Variants in EXOC1 observed in about 807,000 individuals in gnomAD.
EXOC1 encodes SEC3-like 1.
A neutral mutation model predicts 107.7 loss-of-function variants in EXOC1; 67 were observed. The ratio of observed to expected loss-of-function variants is 0.62; its 90% CI spans 0.51 to 0.76. The LOEUF (loss-of-function observed/expected upper bound fraction) is 0.76. EXOC1 is among the 30% of genes least tolerant of loss of function. The probability of loss-of-function intolerance (pLI) is 0.00; values close to 1 mark genes in which losing one functional copy is unlikely to be tolerated. For synonymous variants in EXOC1, 348 were observed against 353.5 expected, an observed-to-expected ratio of 0.98 and a Z score of 0.17; for missense variants, 833 against 1,055.7, an observed-to-expected ratio of 0.79 and a Z score of 2.92.
intron 16 of EXOC1, among the ~76,000 whole-genome samples, chr4:55,897,508 G>A (rs372166734): frequency 6.6e-6 from 1 of 151,954 alleles, no homozygotes; most frequent in East Asian, 1.9e-4. Flanking sequence ...ACTGTAATTC[G>A]CTTTCTTCCT....
At chr4:55,856,274 T>C (rs1051912733) in intron 1 of EXOC1, among the ~76,000 whole-genome samples, 2 of 152,218 alleles carry the variant, frequency 1.3e-5, no homozygotes, top group African/African-American at 4.8e-5. Flanking sequence ...TCAGCTGGTC[T>C]ACAAACAGGG....
chr4:55,860,024 G>T (rs1321424033), intron 2 of EXOC1, among the ~76,000 whole-genome samples: 2 of 152,134 alleles, frequency 1.3e-5, no homozygotes, highest in Non-Finnish European at 2.9e-5. Context: ...GTTTAATTAA[G>T]ACCAGCCTGG....
chr4:55,870,764 G>A lies in EXOC1; in HGVS notation c.690G>A (p.Gln230=). The part of the protein sequence containing the change: ...LLDEALKEVD[Q]IELKLSSYEE... ...ATGAGGCTCTAAAGGAGGTAGATCA[G>A]ATTGAATTGAAACTGAGCAGTTATG... Residue 230 remains glutamine, a synonymous_variant, in exon 6 of 19, where the codon CAG becomes CAA. Coordinates refer to ENST00000381295, the MANE Select transcript of EXOC1 (RefSeq NM_001024924.2). 6.2e-7 allele frequency: 1 copy of A among 1,613,918 alleles called. No homozygotes were observed. Among genetic ancestry groups the A allele is most frequent in the Non-Finnish European group, 8.5e-7 (1 of 1,179,898 alleles).
At position 55,864,251 on chromosome 4, in the gene EXOC1, T is replaced by C. The variant is rs1414449453; in HGVS notation, c.280T>C (p.Phe94Leu). The C allele has an allele frequency of 6.3e-7, 1 of 1,584,094 alleles. No homozygotes were observed. Among genetic ancestry groups the C allele is most frequent in the Non-Finnish European group, 8.6e-7 (1 of 1,165,396 alleles). The stretch of plus-strand genomic sequence containing the variant: ...GGAAAATCCTGAATTTGATTTACAC[T>C]TTGAAAAAATATATAAATGGGTTGC... ...IKENPEFDLH[F>L]EKIYKWVASS... The change falls in exon 4 of 19, where the codon TTT becomes CTT. Residue 94 changes from phenylalanine (F) to leucine (L), a missense_variant. Physicochemically the swap from Phe to Leu is conservative, Grantham distance 22. This residue lies in a region of EXOC1 where 617 missense variants were observed against 701.3 expected (regional missense o/e 0.88). Transcript: ENST00000381295.
intron 8 of EXOC1, 128 bp downstream of exon 8, chr4:55,872,086 A>T: frequency 1.1e-6 from 1 of 870,092 alleles, no homozygotes; most frequent in South Asian, 1.9e-5. Flanking sequence ...ATTTGATTTT[A>T]AGATTTTGAA....
At chr4:55,880,504 G>A (rs1275287475) in intron 9 of EXOC1, among the ~76,000 whole-genome samples, 1 of 151,982 alleles carries the variant, frequency 6.6e-6, no homozygotes. Flanking sequence ...TTACATTACT[G>A]GAATTCTTTG....
At chr4:55,889,606 A>G (rs1423192666) in intron 11 of EXOC1, among the ~76,000 whole-genome samples, 1 of 152,002 alleles carries the variant, frequency 6.6e-6, no homozygotes, top group East Asian at 1.9e-4. Flanking sequence ...TTTTCTGTTC[A>G]TTTTATTTAG....
chr4:55,890,418 T>A, intron 12 of EXOC1, 32 bp downstream of exon 12: 1 of 1,599,810 alleles, frequency 6.3e-7, no homozygotes, highest in African/African-American at 1.3e-5. Context: ...TTCTTAAACA[T>A]TAACATTAGT....
rs368592021 is a variant in EXOC1, at chr4:55,890,174, A to G, written c.1376-49A>G. ...GATCTATCCCTGCTTTATACTTTGG[A>G]TCATTTATTTGTGAAGATCACAACT... On this transcript the variant is annotated intron_variant, in intron 11 of 18. Transcript: ENST00000381295. The G allele has an allele frequency of 2.2e-4, 342 of 1,572,232 alleles. 2 individuals carry two copies. Among genetic ancestry groups the G allele is most frequent in the Admixed American group, 2.7e-4 (16 of 59,498 alleles).
intron 8 of EXOC1, chr4:55,876,491 G>A (rs533118785): frequency 2.7e-6 from 2 of 741,306 alleles, no homozygotes; most frequent in East Asian, 1.3e-4. Context: ...TGTCAGTTCA[G>A]GTCACATTTT....
At chr4:55,894,471 GATT>G in intron 15 of EXOC1, among the ~76,000 whole-genome samples, 1 of 151,570 alleles carries the variant, frequency 6.6e-6, no homozygotes, top group African/African-American at 2.4e-5. Flanking sequence ...AAACTAATTT[GATT>G]ATTTTAATTA....
At chr4:55,871,071 A>G (rs1018429131) in intron 6 of EXOC1, 30 bp from the exon 7 acceptor site, 23 of 1,603,042 alleles carry the variant, frequency 1.4e-5, no homozygotes, top group East Asian at 2.2e-5. Context: ...AAAATTACAC[A>G]TGCAAATGGT....
intron 9 of EXOC1, chr4:55,882,688 A>G (rs1723519604): frequency 6.6e-6 from 1 of 152,208 alleles, no homozygotes; most frequent in Non-Finnish European, 1.5e-5. Flanking sequence ...CAGCTATAAA[A>G]TATTTTAAGA....
intron 4 of EXOC1, among the ~76,000 whole-genome samples, chr4:55,867,561 C>A (rs74498241): frequency 0.048 from 6,634 of 139,076 alleles, 194 homozygotes; most frequent in Admixed American, 0.088. Flanking sequence ...TAGTGTATTT[C>A]CTCAAAAAAA....
intron 18 of EXOC1, among the ~76,000 whole-genome samples, chr4:55,903,785 G>A (rs183006333): frequency 1.3e-5 from 2 of 152,190 alleles, no homozygotes; most frequent in East Asian, 3.9e-4. Flanking sequence ...CTACATATTA[G>A]CCTCCACTGT....
At chr4:55,893,854 G>A (rs556213965) in intron 15 of EXOC1, 74 bp downstream of exon 15, 10 of 1,220,572 alleles carry the variant, frequency 8.2e-6, no homozygotes, top group Admixed American at 2.3e-5. Flanking sequence ...ATTTAAAATC[G>A]AGGGATTTCC....
intron 10 of EXOC1, among the ~76,000 whole-genome samples, chr4:55,884,168 A>C (rs915157624): frequency 1.6e-4 from 25 of 152,228 alleles, no homozygotes; most frequent in Non-Finnish European, 2.9e-4. Flanking sequence ...TTCATGCTGT[A>C]ATCAAATATA....
intron 1 of EXOC1, 50 bp downstream of exon 1, chr4:55,854,003 T>A (rs1319296747): frequency 4.6e-5 from 7 of 152,272 alleles, no homozygotes. Context: ...TCCTCGGGTC[T>A]AGGAGAATGC....
In EXOC1 at chr4:55,858,235, T is replaced by A. The variant is rs1219075954; in HGVS notation, c.-10-79T>A. The A allele has an allele frequency of 9.4e-6, 13 of 1,385,692 alleles. 1 individual carries two copies. In the Admixed American group the frequency reaches 3.3e-4, roughly 35 times the overall value. 85.8% of individuals were successfully genotyped at this position (1,385,692 alleles called of 1,614,324 possible). A position where few individuals can be genotyped will look rare whatever the true frequency, so the allele number is the denominator to read the frequency against. ...TCCTAGGCTTGTTAACCAAAAATTA[T>A]TTTCAAATCATAAATTCAGAAGTAT... On this transcript the variant is annotated intron_variant, in intron 1 of 18. Transcript: ENST00000381295.
Sources: gnomAD v4.1 joint callset for allele counts (sites outside exome capture counted in the v4.1 genomes callset) on GRCh38, gnomAD v4.1.1 for gene constraint, gnomAD v4.1.1 regional missense constraint, MANE v1.5 for transcripts, NCBI Gene and HGNC (gene_info 2026-07-23, HGNC 2026-07-21) for gene names.